RARRES1: variants seen among roughly 807,000 people sequenced by gnomAD.
RARRES1 encodes retinoic acid receptor responder 1, also known as retinoic acid receptor responder protein 1.
RARRES1 carries 34 observed loss-of-function variants against 30.6 expected under a neutral mutation model. That is an observed-to-expected ratio of 1.11 (90% CI 0.84 to 1.48). RARRES1 has a LOEUF of 1.48. Ranked by LOEUF, RARRES1 falls within the 40% of genes most tolerant of loss-of-function variation. The probability of loss-of-function intolerance (pLI) is 0.00; values close to 1 mark genes in which losing one functional copy is unlikely to be tolerated. For synonymous variants in RARRES1, 153 were observed against 155.5 expected (o/e 0.98, Z 0.12); for missense variants, 373 against 386.5 (o/e 0.97, Z 0.29).
intron 4 of RARRES1, among the ~76,000 whole-genome samples, chr3:158,704,211 T>G (rs1047779277): frequency 1.4e-4 from 1 of 7,138 alleles, no homozygotes; most frequent in Non-Finnish European, 2.3e-4. Context: ...ATTGCAATAC[T>G]TTTTTTTTTT....
Position 158,711,073 on chromosome 3 carries a change from G to T in RARRES1, c.340-140C>A, listed in dbSNP as rs181598758. On this transcript the variant is annotated intron_variant, in intron 2 of 5. Transcript: ENST00000237696. ...TGTAGTGGGTTTTGGTTTATTGTGG[G>T]TTGTGCTCACAGCTGAATACAACAG... The T allele has an allele frequency of 4.1e-4, 295 of 712,830 alleles. 1 individual carries two copies. The African/African-American group carries it at 4.6e-3, about 11-fold the overall frequency. The allele number at this position is 712,830 out of a possible 1,614,324, so 44.2% of individuals were successfully genotyped here.
At chr3:158,712,758 A>G (rs1035214928) in intron 2 of RARRES1, among the ~76,000 whole-genome samples, 1 of 152,194 alleles carries the variant, frequency 6.6e-6, no homozygotes, top group Admixed American at 6.5e-5. Flanking sequence ...TTGCCTGAGG[A>G]TAAAAGAACT....
At chr3:158,719,636 TCCCATCCCCTTCCCCATATACCTTC>T (rs1727436917) in intron 1 of RARRES1, among the ~76,000 whole-genome samples, 1 of 152,048 alleles carries the variant, frequency 6.6e-6, no homozygotes, top group Admixed American at 6.6e-5. Flanking sequence ...AAAGAGGCAG[TCCCATCCCCTTCCCCATATACCTTC>T]CACCTCCCCT....
intron 4 of RARRES1, among the ~76,000 whole-genome samples, chr3:158,700,277 G>C (rs1726683773): frequency 6.6e-6 from 1 of 151,346 alleles, no homozygotes; most frequent in African/African-American, 2.4e-5. Context: ...GTTTTTTTGA[G>C]AACAATGCCT....
At chr3:158,727,923 C>T (rs1370127653) in intron 1 of RARRES1, among the ~76,000 whole-genome samples, 1 of 152,182 alleles carries the variant, frequency 6.6e-6, no homozygotes, top group Non-Finnish European at 1.5e-5. Flanking sequence ...TTTACTACCA[C>T]AGCTATTGCT....
chr3:158,710,909 G>T lies in RARRES1; in HGVS notation c.364C>A (p.Arg122Ser), dbSNP rs771818017. ...PESLLQEGEG[R>S]LGKCSARVFF... ...ACTCGAGCAGAACATTTCCCCAAAC[G>T]TCCCTCACCTTCCTGAAGTAAAGAC... Residue 122 changes from arginine (R) to serine (S), a missense_variant, in exon 3 of 6, where the codon CGT (arginine) becomes AGT (serine). Transcript: ENST00000237696. 1 of 1,613,556 alleles carries T rather than the reference G, an allele frequency of 6.2e-7. No individual in the cohort carries two copies. The highest frequency in any genetic ancestry group is 1.3e-5 in the African/African-American group (1 of 74,778).
intron 4 of RARRES1, among the ~76,000 whole-genome samples, chr3:158,703,943 A>G (rs1293476498): frequency 1.3e-5 from 2 of 152,308 alleles, no homozygotes; most frequent in Non-Finnish European, 2.9e-5. Context: ...CTGTTTGGTT[A>G]TAGAATTTAG....
chr3:158,702,380 G>A (rs1372559424), intron 4 of RARRES1, among the ~76,000 whole-genome samples: 3 of 152,108 alleles, frequency 2.0e-5, no homozygotes, highest in Non-Finnish European at 2.9e-5. Flanking sequence ...GTATGTCCTC[G>A]CTTTCGTACG....
rs933648476 is a variant in RARRES1 at position 158,697,221 on chromosome 3, A to G, written c.*457T>C. On this transcript the variant is annotated 3_prime_UTR_variant, in exon 6 of 6. Coordinates refer to ENST00000237696, the MANE Select transcript of RARRES1 (RefSeq NM_206963.2). ...TTTTAAAACAGTTAATTTTTTTCCTATAATTTACTTTCATCGAAAGTATAT... is the reference window on the plus strand; with the variant it reads ...TTTTAAAACAGTTAATTTTTTTCCTGTAATTTACTTTCATCGAAAGTATAT... The G allele has an allele frequency of 2.0e-5, 3 of 152,438 alleles. No individual in the cohort carries two copies. Among genetic ancestry groups the G allele is most frequent in the African/African-American group, 4.8e-5 (2 of 41,478 alleles). 9.4% of individuals were successfully genotyped at this position (152,438 alleles called of 1,614,324 possible). A position where few individuals can be genotyped will look rare whatever the true frequency, so the allele number is the denominator to read the frequency against.
rs1281339214 is a variant in RARRES1 at position 158,732,397 on chromosome 3, GT to G, written c.18del (p.Gln6HisfsTer138). On this transcript the variant is annotated frameshift_variant, in exon 1 of 6. Coordinates refer to ENST00000237696, the MANE Select transcript of RARRES1 (RefSeq NM_206963.2). LOFTEE classifies it high-confidence loss of function. Reference sequence around the variant, plus strand: ...GGCCCGGACCAGGGAGCAGGCAGCCGTTGCCGGCGGGGCTGCATGGACGCAG... The same window carrying G: ...GGCCCGGACCAGGGAGCAGGCAGCCGTGCCGGCGGGGCTGCATGGACGCAG... MQPRR[Q>X]RLPAPWSGPR... The G allele has an allele frequency of 6.6e-7, 1 of 1,508,356 alleles. No homozygotes were observed. Among genetic ancestry groups the G allele is most frequent in the Non-Finnish European group, 8.8e-7 (1 of 1,133,958 alleles). 93.4% of individuals were successfully genotyped at this position (1,508,356 alleles called of 1,614,324 possible).
At chr3:158,714,884 A>G (rs1320096071) in intron 1 of RARRES1, among the ~76,000 whole-genome samples, 2 of 152,274 alleles carry the variant, frequency 1.3e-5, no homozygotes, top group Non-Finnish European at 2.9e-5. Context: ...ATAAACAAAC[A>G]GCATTATTTT....
rs914677195 is a variant in RARRES1, at chr3:158,706,580, G to A, written c.536-1653C>T. On this transcript the variant is annotated intron_variant, in intron 3 of 5. Transcript: ENST00000237696. ...TGTGGAAGATGACTTTGACTGCTGG[G>A]TGCGGTGGTCTCAGGGAGAAGAATC... Among the ~76,000 whole-genome samples, 88 of 152,210 alleles carry A rather than the reference G, an allele frequency of 5.8e-4. 5 individuals carry two copies. Among genetic ancestry groups the A allele is most frequent in the Non-Finnish European group, 1.5e-5 (1 of 68,040 alleles).
chr3:158,697,935 A>G lies in RARRES1; in HGVS notation c.708T>C (p.Thr236=). The stretch of plus-strand genomic sequence containing the variant: ...GTGTTGATAATTCATGAAGTAGAAC[A>G]GTATAATCAAAATCAATTGTATCAT... ...TNDDTIDFDY[T]VLLHELSTQE... The change falls in exon 5 of 6, where the codon ACT becomes ACC. Residue 236 remains threonine (T), a synonymous_variant. Transcript: ENST00000237696. The G allele has an allele frequency of 6.5e-7, 1 of 1,547,376 alleles. No homozygotes were observed. Among genetic ancestry groups the G allele is most frequent in the Non-Finnish European group, 8.9e-7 (1 of 1,121,486 alleles).
intron 1 of RARRES1, among the ~76,000 whole-genome samples, chr3:158,729,386 C>G (rs1727797763): frequency 6.6e-6 from 1 of 151,676 alleles, no homozygotes; most frequent in Admixed American, 6.6e-5. Context: ...TGTCAAATAT[C>G]TTATTTTATT....
At chr3:158,698,032 A>G in intron 4 of RARRES1, 62 bp from the exon 5 acceptor site, 1 of 1,192,950 alleles carries the variant, frequency 8.4e-7, no homozygotes, top group Non-Finnish European at 1.2e-6. Context: ...ATAACTATAC[A>G]ATACATTCTT....
At position 158,697,989 on chromosome 3, in the gene RARRES1, G is replaced by A. The variant is rs752074953; in HGVS notation, c.673-19C>T. 2 of 1,460,330 alleles carry A rather than the reference G, an allele frequency of 1.4e-6. No homozygotes were observed. Among genetic ancestry groups the A allele is most frequent in the Non-Finnish European group, 1.9e-6 (2 of 1,050,346 alleles). The allele number at this position is 1,460,330 out of a possible 1,614,324, so 90.5% of individuals were successfully genotyped here. A position where few individuals can be genotyped will look rare whatever the true frequency, so the allele number is the denominator to read the frequency against. On this transcript the variant is annotated intron_variant, in intron 4 of 5. Coordinates refer to ENST00000237696, the MANE Select transcript of RARRES1 (RefSeq NM_206963.2). ...TAGTTTTCTAGAGGGAGAAAAAAGA[G>A]TTAGTGTAATAAATATGGTGGTATT...
intron 1 of RARRES1, among the ~76,000 whole-genome samples, chr3:158,730,012 C>T (rs1408064123): frequency 6.6e-6 from 1 of 152,010 alleles, no homozygotes; most frequent in Admixed American, 6.6e-5. Context: ...TCTCAGACAG[C>T]AAGGATTGTT....
rs146450744 is a variant in RARRES1 at position 158,697,433 on chromosome 3, C to G, written c.*245G>C. On this transcript the variant is annotated 3_prime_UTR_variant, in exon 6 of 6. Transcript: ENST00000237696. ...AGGTTTTACATTTTAGGGCTGAAAC[C>G]CTGAGGAACCTGCTGGTGACTGTTT... The G allele has an allele frequency of 1.9e-3, 674 of 362,130 alleles. 4 individuals carry two copies. The highest frequency in any genetic ancestry group is 0.012 in the African/African-American group (580 of 47,642). The allele number at this position is 362,130 out of a possible 1,614,324, so 22.4% of individuals were successfully genotyped here.
In RARRES1 at chr3:158,710,826, G is replaced by A. The variant is rs142954846; in HGVS notation, c.447C>T (p.Ile149=). ...PTINVTCTRL[I]EKKKRQQEDY... is the part of the protein sequence containing the mutation. ...CCTCTTGTTGTCTTTTCTTTTTCTC[G>A]ATGAGCCGTGTACAAGTTACATTGA... The change falls in exon 3 of 6, where the codon ATC becomes ATT. Residue 149 remains isoleucine (I), a synonymous_variant. Transcript: ENST00000237696. 1.2e-5 allele frequency: 20 copies of A among 1,613,148 alleles called. No homozygotes were observed. Among genetic ancestry groups the A allele is most frequent in the South Asian group, 1.2e-4 (11 of 91,046 alleles).
Sources: gnomAD v4.1 joint callset for allele counts (sites outside exome capture counted in the v4.1 genomes callset) on GRCh38, gnomAD v4.1.1 for gene constraint, MANE v1.5 for transcripts, NCBI Gene and HGNC (gene_info 2026-07-23, HGNC 2026-07-21) for gene names.